Variants in PTPRZ1 observed in about 807,000 individuals in gnomAD.
PTPRZ1 encodes the protein protein tyrosine phosphatase receptor type Z1, also known as receptor-type tyrosine-protein phosphatase zeta.
In PTPRZ1, 82 loss-of-function variants were observed where a neutral mutation model predicts 214.1. The ratio of observed to expected loss-of-function variants is 0.38; its 90% confidence interval spans 0.32 to 0.46. The LOEUF is 0.46. Among genes scored for constraint, PTPRZ1 ranks in the 20% least tolerant of loss-of-function variants. The pLI, the probability that PTPRZ1 is intolerant of heterozygous loss-of-function variation, is 1.00. For synonymous variants in PTPRZ1, 945 were observed against 987.9 expected (o/e 0.96, Z 0.81); for missense variants, 2,603 against 2,748.7 (o/e 0.95, Z 1.19).
chr7:121,953,643 C>T (rs1021219714), intron 2 of PTPRZ1, among the ~76,000 whole-genome samples: 6 of 152,142 alleles, frequency 3.9e-5, no homozygotes, highest in African/African-American at 1.4e-4. Flanking sequence ...CTGAGAGATT[C>T]CGGGATGCCA....
intron 15 of PTPRZ1, chr7:122,033,808 T>A: frequency 2.5e-6 from 1 of 406,720 alleles, no homozygotes; most frequent in South Asian, 4.4e-5. Flanking sequence ...TCATGGAATA[T>A]GTGGTTCCTC....
intron 4 of PTPRZ1, 62 bp from the exon 5 acceptor site, chr7:121,976,111 T>G (rs1797424807): frequency 1.8e-6 from 2 of 1,137,034 alleles, no homozygotes; most frequent in Non-Finnish European, 2.6e-6. Flanking sequence ...AATGTAGAAT[T>G]CTCTTTGCTG....
chr7:121,935,166 TA>T (rs1270767011), intron 2 of PTPRZ1, among the ~76,000 whole-genome samples: 9 of 152,290 alleles, frequency 5.9e-5, no homozygotes, highest in Admixed American at 2.0e-4. Flanking sequence ...AGTATGGACT[TA>T]AAAAAATTAA....
rs1798680129 is a variant in PTPRZ1 at position 122,011,945 on chromosome 7, A to G, written c.2899A>G (p.Ser967Gly). 6.2e-7 allele frequency: 1 copy of G among 1,614,228 alleles called. No individual in the cohort carries two copies. The highest frequency in any genetic ancestry group is 8.5e-7 in the Non-Finnish European group (1 of 1,180,024). The change falls in exon 12 of 30, where the codon AGC becomes GGC. Residue 967 changes from serine to glycine, a missense_variant. This residue lies in a region of PTPRZ1 where 1,913 missense variants were observed against 1,914.3 expected (regional missense o/e 1.00). Transcript: ENST00000393386. Reference sequence around the variant, plus strand: ...TCAGGGTTCCTTATTTAGCGGCCCTAGCCATATACCAATACCTAAGTCTTC... The same window carrying G: ...TCAGGGTTCCTTATTTAGCGGCCCTGGCCATATACCAATACCTAAGTCTTC... ...TYQGSLFSGP[S>G]HIPIPKSSLI...
intron 6 of PTPRZ1, among the ~76,000 whole-genome samples, chr7:121,979,803 GT>G (rs1267855774): frequency 2.0e-5 from 3 of 152,098 alleles, no homozygotes; most frequent in African/African-American, 7.2e-5. Flanking sequence ...TGAAGCAGGT[GT>G]TTTTTTCTCA....
chr7:121,915,035 G>T (rs1795381659), intron 1 of PTPRZ1, among the ~76,000 whole-genome samples: 1 of 152,144 alleles, frequency 6.6e-6, no homozygotes, highest in African/African-American at 2.4e-5. Context: ...TCAGGGAGAT[G>T]GGGGTAGTCT....
chr7:121,937,137 G>C (rs1348878153), intron 2 of PTPRZ1, among the ~76,000 whole-genome samples: 3 of 152,138 alleles, frequency 2.0e-5, no homozygotes, highest in Non-Finnish European at 2.9e-5. Flanking sequence ...ACAGCTGCAC[G>C]TATTCATTCT....
intron 2 of PTPRZ1, among the ~76,000 whole-genome samples, chr7:121,958,380 C>T (rs1452212692): frequency 1.3e-5 from 2 of 152,166 alleles, no homozygotes; most frequent in East Asian, 3.9e-4. Flanking sequence ...CCATTTTCTC[C>T]TGGGTTTGCA....
At chr7:121,949,923 C>T (rs1310722679) in intron 2 of PTPRZ1, among the ~76,000 whole-genome samples, 1 of 151,900 alleles carries the variant, frequency 6.6e-6, no homozygotes, top group East Asian at 1.9e-4. Flanking sequence ...GTAGAAAAAC[C>T]TGTTATTGAG....
intron 12 of PTPRZ1, 35 bp from the exon 13 acceptor site, chr7:122,019,089 T>C: frequency 6.4e-7 from 1 of 1,559,052 alleles, no homozygotes; most frequent in Admixed American, 1.8e-5. Flanking sequence ...TCCTTCACCT[T>C]AAATATCAAT....
At chr7:121,927,539 A>C (rs1795800712) in intron 1 of PTPRZ1, among the ~76,000 whole-genome samples, 1 of 152,158 alleles carries the variant, frequency 6.6e-6, no homozygotes, top group South Asian at 2.1e-4. Context: ...TATGGCCCTA[A>C]GTTTCCCATT....
At chr7:121,931,164 A>C (rs1259576349) in intron 2 of PTPRZ1, among the ~76,000 whole-genome samples, 3 of 152,156 alleles carry the variant, frequency 2.0e-5, no homozygotes, top group Non-Finnish European at 4.4e-5. Context: ...ATTCCTAAGA[A>C]TATCACAAGC....
intron 1 of PTPRZ1, among the ~76,000 whole-genome samples, chr7:121,875,773 T>A (rs1424970615): frequency 6.6e-6 from 1 of 152,218 alleles, no homozygotes; most frequent in Non-Finnish European, 1.5e-5. Context: ...TGGGGCAGCA[T>A]GTTTTGAAAA....
intron 2 of PTPRZ1, among the ~76,000 whole-genome samples, chr7:121,952,673 A>G (rs1326611500): frequency 6.6e-6 from 1 of 152,214 alleles, no homozygotes; most frequent in Non-Finnish European, 1.5e-5. Flanking sequence ...GAGTTTAATA[A>G]TTTACTTTGA....
intron 2 of PTPRZ1, among the ~76,000 whole-genome samples, chr7:121,939,937 C>A (rs1311674727): frequency 1.3e-5 from 2 of 152,102 alleles, no homozygotes; most frequent in African/African-American, 4.8e-5. Flanking sequence ...TCAGATAAAG[C>A]ATAAATAGGA....
intron 13 of PTPRZ1, among the ~76,000 whole-genome samples, chr7:122,022,628 T>C (rs761922772): frequency 6.6e-6 from 1 of 152,198 alleles, no homozygotes; most frequent in Non-Finnish European, 1.5e-5. Context: ...ACTTTCATGA[T>C]GGTATCTTTT....
At chr7:121,988,018 A>G (rs1227498705) in intron 8 of PTPRZ1, among the ~76,000 whole-genome samples, 3 of 152,192 alleles carry the variant, frequency 2.0e-5, no homozygotes, top group Non-Finnish European at 4.4e-5. Context: ...GTGGTGTACG[A>G]GAGAGTGGAG....
chr7:121,984,087 T>G lies in PTPRZ1; in HGVS notation c.898T>G (p.Tyr300Asp). 6.2e-7 allele frequency: 1 copy of G among 1,613,438 alleles called. No individual in the cohort carries two copies. Among genetic ancestry groups the G allele is most frequent in the African/African-American group, 1.3e-5 (1 of 75,038 alleles). ...YKFSRQVFSS[Y>D]TGKEEIHEAV... Reference sequence around the variant, plus strand: ...GTTCTCTAGACAGGTGTTTTCCTCATACACTGGAAAGGAAGAGATTCATGA... The same window carrying G: ...GTTCTCTAGACAGGTGTTTTCCTCAGACACTGGAAAGGAAGAGATTCATGA... The change falls in exon 8 of 30, where the codon TAC (tyrosine) becomes GAC (aspartate). Residue 300 changes from tyrosine (Y) to aspartate (D), a missense_variant. This residue lies in a region of PTPRZ1 where 244 missense variants were observed against 333.2 expected (regional missense o/e 0.73). Transcript: ENST00000393386.
intron 1 of PTPRZ1, among the ~76,000 whole-genome samples, chr7:121,926,546 G>A (rs1404216759): frequency 2.6e-5 from 4 of 152,032 alleles, no homozygotes; most frequent in Admixed American, 1.3e-4. Flanking sequence ...GAAGGTGGTC[G>A]CAAAAGGCCA....
Sources: allele counts gnomAD v4.1 joint callset (sites outside exome capture counted in the v4.1 genomes callset), GRCh38; gene constraint gnomAD v4.1.1; regional missense constraint gnomAD v4.1.1; transcripts MANE v1.5; gene names NCBI Gene and HGNC (gene_info 2026-07-23, HGNC 2026-07-21).